Variants in ADK observed in about 807,000 individuals in gnomAD.
ADK encodes the protein adenosine kinase, also known as N6,N6-dimethyladenosine kinase.
In ADK, 24 loss-of-function variants were observed where a neutral mutation model predicts 44.7. That is an observed-to-expected ratio of 0.54 (90% CI 0.39 to 0.76). ADK has a LOEUF of 0.76. ADK is among the 30% of genes least tolerant of loss of function. ADK has a pLI of 0.00. For synonymous variants in ADK, 128 were observed against 142.6 expected (o/e 0.90, Z 0.73); for missense variants, 321 against 425.1 (o/e 0.76, Z 2.15).
chr10:74,570,335 A>T (rs1850903265), intron 7 of ADK, among the ~76,000 whole-genome samples: 1 of 152,126 alleles, frequency 6.6e-6, no homozygotes, highest in African/African-American at 2.4e-5. Context: ...TTTGATGGGG[A>T]TGGCATTGAA....
At chr10:74,291,189 G>A (rs1223019032) in intron 3 of ADK, among the ~76,000 whole-genome samples, 1 of 152,150 alleles carries the variant, frequency 6.6e-6, no homozygotes, top group Non-Finnish European at 1.5e-5. Context: ...GGCTGAGGTG[G>A]GCGGATCACG....
chr10:74,250,191 TG>T (rs146593932), intron 3 of ADK, among the ~76,000 whole-genome samples: 2,355 of 152,332 alleles, frequency 0.015, 20 homozygotes, highest in Non-Finnish European at 0.023. Flanking sequence ...TATAGTGTGA[TG>T]ATGGCTATGA....
chr10:74,481,613 C>T (rs1847076808), intron 6 of ADK, among the ~76,000 whole-genome samples: 1 of 152,088 alleles, frequency 6.6e-6, no homozygotes, highest in African/African-American at 2.4e-5. Flanking sequence ...TGAATTTTGT[C>T]CATGCATTTG....
intron 1 of ADK, among the ~76,000 whole-genome samples, chr10:74,198,078 C>CACTGGCCCAATAATA (rs1843230113): frequency 5.3e-5 from 8 of 152,212 alleles, no homozygotes; most frequent in Non-Finnish European, 1.0e-4. Flanking sequence ...AAATAAAAAA[C>CACTGGCCCAATAATA]CAAGTAGCCC....
chr10:74,399,249 C>T (rs1324907869), intron 6 of ADK, among the ~76,000 whole-genome samples: 2 of 150,032 alleles, frequency 1.3e-5, no homozygotes, highest in Non-Finnish European at 3.0e-5. Flanking sequence ...TAAGTAGATA[C>T]CTATGAAAAA....
At chr10:74,321,902 A>T (rs1840821126) in intron 4 of ADK, among the ~76,000 whole-genome samples, 1 of 152,224 alleles carries the variant, frequency 6.6e-6, no homozygotes, top group Non-Finnish European at 1.5e-5. Flanking sequence ...AAGTTTTAGG[A>T]ATTATGTTTG....
chr10:74,213,524 TAA>T (rs922071614), intron 2 of ADK, among the ~76,000 whole-genome samples: 3 of 106,602 alleles, frequency 2.8e-5, no homozygotes, highest in Non-Finnish European at 7.2e-5. Context: ...TGAAACTTTC[TAA>T]AAAAAAAGAA....
intron 10 of ADK, among the ~76,000 whole-genome samples, chr10:74,705,111 TAGA>T (rs1481141827): frequency 1.6e-4 from 25 of 152,344 alleles, no homozygotes; most frequent in East Asian, 1.9e-4. Flanking sequence ...GTCAGAATGG[TAGA>T]AGAAGGAGGA....
At chr10:74,427,573 C>T (rs1219890577) in intron 6 of ADK, among the ~76,000 whole-genome samples, 5 of 152,026 alleles carry the variant, frequency 3.3e-5, no homozygotes, top group African/African-American at 1.2e-4. Context: ...TGGTTTCTCA[C>T]TATGGAAGAA....
At chr10:74,520,118 T>C (rs1256492627) in intron 6 of ADK, among the ~76,000 whole-genome samples, 1 of 152,040 alleles carries the variant, frequency 6.6e-6, no homozygotes, top group African/African-American at 2.4e-5. Flanking sequence ...AATCCAGTGC[T>C]TACCCATTAT....
chr10:74,283,708 A>T (rs1392416462), intron 3 of ADK, among the ~76,000 whole-genome samples: 1 of 128,830 alleles, frequency 7.8e-6, no homozygotes, highest in Admixed American at 9.0e-5. Context: ...TTTGAGACAG[A>T]GTCTCGCTCT....
At chr10:74,427,844 C>T (rs1271410190) in intron 6 of ADK, among the ~76,000 whole-genome samples, 1 of 152,074 alleles carries the variant, frequency 6.6e-6, no homozygotes, top group Non-Finnish European at 1.5e-5. Flanking sequence ...AGCGTTATTT[C>T]CCACTGTTAG....
intron 6 of ADK, among the ~76,000 whole-genome samples, chr10:74,502,622 C>G (rs1034970792): frequency 1.3e-5 from 2 of 152,096 alleles, no homozygotes; most frequent in African/African-American, 2.4e-5. Flanking sequence ...CGAAAGCACT[C>G]ACATTGTAAA....
chr10:74,523,001 C>T (rs1242759056), intron 6 of ADK, among the ~76,000 whole-genome samples: 2 of 150,908 alleles, frequency 1.3e-5, no homozygotes, highest in Non-Finnish European at 3.0e-5. Flanking sequence ...TGTGCCTTTT[C>T]CTCCTCTTAT....
At chr10:74,309,611 A>G (rs1840368388) in intron 3 of ADK, among the ~76,000 whole-genome samples, 1 of 152,160 alleles carries the variant, frequency 6.6e-6, no homozygotes, top group Non-Finnish European at 1.5e-5. Context: ...TTGTCTGTAC[A>G]TTTGGAGAGC....
At chr10:74,175,714 C>G (rs1341944896) in intron 1 of ADK, among the ~76,000 whole-genome samples, 1 of 152,054 alleles carries the variant, frequency 6.6e-6, no homozygotes, top group Non-Finnish European at 1.5e-5. Context: ...TTGCTTGAGG[C>G]TAGGAGTTCA....
intron 1 of ADK, among the ~76,000 whole-genome samples, chr10:74,179,318 C>T (rs7088944): frequency 0.071 from 10,762 of 152,130 alleles, 1,310 homozygotes; most frequent in African/African-American, 0.25. Context: ...TGAGCCAGAG[C>T]GACTCCATCT....
At chr10:74,616,749 A>G (rs1852773343) in intron 9 of ADK, among the ~76,000 whole-genome samples, 1 of 152,232 alleles carries the variant, frequency 6.6e-6, no homozygotes, top group African/African-American at 2.4e-5. Flanking sequence ...TCACCAAAGG[A>G]ATTTTTTAAA....
chr10:74,505,160 C>T (rs891150184), intron 6 of ADK, among the ~76,000 whole-genome samples: 15 of 152,112 alleles, frequency 9.9e-5, no homozygotes, highest in African/African-American at 1.9e-4. Flanking sequence ...TACAGAAATA[C>T]GTTGTAATTT....
Sources: allele counts gnomAD v4.1 joint callset (sites outside exome capture counted in the v4.1 genomes callset), GRCh38; gene constraint gnomAD v4.1.1; transcripts MANE v1.5; gene names NCBI Gene and HGNC (gene_info 2026-07-23, HGNC 2026-07-21).